Variants in IL10RB observed in about 807,000 individuals in gnomAD.
IL10RB encodes interleukin-10 receptor subunit beta.
Under a neutral mutation model 38.7 loss-of-function variants are expected in IL10RB, and 30 were observed. The ratio of observed to expected loss-of-function variants is 0.78; its 90% CI spans 0.58 to 1.05. The LOEUF (loss-of-function observed/expected upper bound fraction) is 1.05, where lower values mean the gene tolerates loss of function less well. Among genes scored for constraint, IL10RB ranks in the 50% least tolerant of loss-of-function variants. The pLI is 0.00. For synonymous variants in IL10RB, 142 were observed against 145.9 expected, an observed-to-expected ratio of 0.97 and a Z score of 0.19; for missense variants, 328 against 397.1, an observed-to-expected ratio of 0.83 and a Z score of 1.48.
chr21:33,285,750 G>A (rs893009905), intron 5 of IL10RB, among the ~76,000 whole-genome samples: 4 of 152,152 alleles, frequency 2.6e-5, no homozygotes, highest in African/African-American at 4.8e-5. Context: ...GAGAACTACC[G>A]AAATATTAAT....
Position 33,281,741 on chromosome 21 carries a change from C to A in IL10RB, c.499-1353C>A, listed in dbSNP as rs528236680. ...GTGATTACAGGCATCTGCCACCACA[C>A]CCCGCTAATTTTTCTATCAATACAG... is the stretch of plus-strand genomic sequence containing the variant. On this transcript the variant is annotated intron_variant, in intron 4 of 6. Coordinates refer to ENST00000290200, the MANE Select transcript of IL10RB (RefSeq NM_000628.5). Among the ~76,000 whole-genome samples the A allele has an allele frequency of 5.9e-5, 9 of 152,318 alleles. No individual in the cohort carries two copies. In the South Asian group the frequency reaches 1.9e-3, roughly 32 times the overall value.
chr21:33,280,288 G>A (rs769766082), intron 4 of IL10RB, among the ~76,000 whole-genome samples: 8 of 152,172 alleles, frequency 5.3e-5, no homozygotes, highest in East Asian at 1.9e-4. Flanking sequence ...AGGGACGTCC[G>A]TGGTCAAGAC....
At chr21:33,283,551 C>T (rs1989318516) in intron 5 of IL10RB, among the ~76,000 whole-genome samples, 1 of 152,176 alleles carries the variant, frequency 6.6e-6, no homozygotes, top group Non-Finnish European at 1.5e-5. Flanking sequence ...CAAGGCTCAT[C>T]AGTCCTCCCA....
intron 5 of IL10RB, among the ~76,000 whole-genome samples, chr21:33,284,663 G>A (rs1268020329): frequency 6.6e-6 from 1 of 152,138 alleles, no homozygotes; most frequent in South Asian, 2.1e-4. Flanking sequence ...CTCATGAATG[G>A]CTTATCACCA....
chr21:33,280,260 C>A (rs1350335597), intron 4 of IL10RB, among the ~76,000 whole-genome samples: 1 of 152,122 alleles, frequency 6.6e-6, no homozygotes, highest in African/African-American at 2.4e-5. Context: ...CCCCTGTGTC[C>A]CACACACACC....
At chr21:33,304,374 C>T (rs574078214) in intron 1 of IL10RB, among the ~76,000 whole-genome samples, 1 of 152,168 alleles carries the variant, frequency 6.6e-6, no homozygotes, top group East Asian at 1.9e-4. Context: ...ATTCAAACAC[C>T]GAGTCAGCCG....
Position 33,268,496 on chromosome 21 carries a change from C to T in IL10RB, c.152C>T (p.Thr51Ile), listed in dbSNP as rs778456036. The T allele has an allele frequency of 1.9e-6, 3 of 1,613,168 alleles. No individual in the cohort carries two copies. Among genetic ancestry groups the T allele is most frequent in the South Asian group, 1.1e-5 (1 of 91,066 alleles). The stretch of plus-strand genomic sequence containing the variant: ...CCTGCTTTTGCCAAAGGGAACCTGA[C>T]TTTCACAGCTCAGTACCTAAGGTGG... ...ESPAFAKGNL[T>I]FTAQYLSYRI... is the part of the protein sequence containing the mutation. The change falls in exon 2 of 7, where the codon ACT becomes ATT. Residue 51 changes from threonine to isoleucine, a missense_variant. By Grantham distance (89) the Thr-to-Ile change is moderately conservative (BLOSUM62 -1). Transcript: ENST00000290200.
chr21:33,302,201 A>C (rs989758394), downstream of IL10RB, among the ~76,000 whole-genome samples: 10 of 152,354 alleles, frequency 6.6e-5, no homozygotes, highest in East Asian at 1.7e-3. Flanking sequence ...CAACAGGGTG[A>C]GGCACTGTTC....
downstream of IL10RB, among the ~76,000 whole-genome samples, chr21:33,298,750 T>A (rs2082977425): frequency 6.6e-6 from 1 of 151,872 alleles, no homozygotes; most frequent in African/African-American, 2.4e-5. Flanking sequence ...AAAATATGAG[T>A]GGTTAGGATA....
chr21:33,299,007 C>T (rs189364021), downstream of IL10RB, among the ~76,000 whole-genome samples: 9 of 152,298 alleles, frequency 5.9e-5, no homozygotes, highest in Admixed American at 2.0e-4. Flanking sequence ...GTAAATGGCA[C>T]AGCTGGCCCA....
chr21:33,277,048 T>C (rs1449799377), intron 3 of IL10RB, among the ~76,000 whole-genome samples: 3 of 129,312 alleles, frequency 2.3e-5, no homozygotes, highest in African/African-American at 7.9e-5. Context: ...GGAAGGATTC[T>C]TGTGGTGAAT....
chr21:33,297,815 C>CA (rs61628149), downstream of IL10RB, among the ~76,000 whole-genome samples: 35 of 134,794 alleles, frequency 2.6e-4, no homozygotes, highest in South Asian at 4.1e-3. Flanking sequence ...GAGACCCTGT[C>CA]AAAAAAAAAG....
chr21:33,304,358 A>G (rs1281082755), intron 1 of IL10RB, among the ~76,000 whole-genome samples: 2 of 152,244 alleles, frequency 1.3e-5, no homozygotes, highest in Non-Finnish European at 2.9e-5. Context: ...GCCTGAAGGC[A>G]GGGAAATTCA....
At chr21:33,304,408 C>A (rs1165968614) in intron 1 of IL10RB, among the ~76,000 whole-genome samples, 2 of 152,188 alleles carry the variant, frequency 1.3e-5, no homozygotes, top group Non-Finnish European at 2.9e-5. Flanking sequence ...CATGCTGACT[C>A]GGCCTGCTGA....
chr21:33,292,790 C>T (rs1239969952), intron 6 of IL10RB, among the ~76,000 whole-genome samples: 1 of 152,196 alleles, frequency 6.6e-6, no homozygotes, highest in Admixed American at 6.5e-5. Context: ...CAAGGATATG[C>T]GAAGTCACAC....
intron 6 of IL10RB, among the ~76,000 whole-genome samples, chr21:33,289,957 A>G (rs1265596474): frequency 6.6e-6 from 1 of 152,184 alleles, no homozygotes; most frequent in East Asian, 1.9e-4. Context: ...TACTAAAAAT[A>G]CAAAAAATTA....
chr21:33,293,195 A>G lies in IL10RB; in HGVS notation c.805-2989A>G, dbSNP rs911584896. Among the ~76,000 whole-genome samples the G allele has an allele frequency of 5.3e-5, 8 of 152,112 alleles. 1 individual carries two copies. In the East Asian group the frequency reaches 1.5e-3, roughly 29 times the overall value. On this transcript the variant is annotated intron_variant, in intron 6 of 6. Coordinates refer to ENST00000290200, the MANE Select transcript of IL10RB (RefSeq NM_000628.5). ...CCTCTGCAGTGTGTGTGCCTCACCA[A>G]TGCCTTGCCACTTCTTGGCGTGTCT...
At chr21:33,278,404 G>A (rs1314243852) in intron 3 of IL10RB, among the ~76,000 whole-genome samples, 1 of 152,106 alleles carries the variant, frequency 6.6e-6, no homozygotes, top group Non-Finnish European at 1.5e-5. Context: ...AATTATCAAA[G>A]TTAGATTATA....
chr21:33,298,713 G>A (rs185194145), downstream of IL10RB, among the ~76,000 whole-genome samples: 224 of 152,210 alleles, frequency 1.5e-3, no homozygotes, highest in South Asian at 3.7e-3. Flanking sequence ...ATTATCCAGG[G>A]CACAGTACAG....
Sources: allele counts gnomAD v4.1 joint callset (sites outside exome capture counted in the v4.1 genomes callset), GRCh38; gene constraint gnomAD v4.1.1; transcripts MANE v1.5; gene names NCBI Gene and HGNC (gene_info 2026-07-23, HGNC 2026-07-21).